HBP1: variants seen among roughly 807,000 people sequenced by gnomAD.
The protein encoded by HBP1 is HMG-box transcription factor 1, also known as HMG box-containing protein 1.
A neutral mutation model predicts 62.6 loss-of-function variants in HBP1; 20 were observed. The ratio of observed to expected loss-of-function variants is 0.32; its 90% CI spans 0.22 to 0.46. HBP1 has a LOEUF of 0.46. HBP1 is among the 20% of genes least tolerant of loss of function. HBP1 has a pLI of 1.00. For synonymous variants in HBP1, 232 were observed against 206.2 expected (o/e 1.12, Z -1.07); for missense variants, 480 against 611.8 (o/e 0.78, Z 2.27).
chr7:107,191,483 CTTTTATATATATTCTA>C (rs1797646789), intron 8 of HBP1, among the ~76,000 whole-genome samples: 1 of 152,122 alleles, frequency 6.6e-6, no homozygotes. Flanking sequence ...TTTCATTCCT[CTTTTATATATATTCTA>C]GAGAAGTAAA....
At chr7:107,183,289 C>T (rs78267892) in intron 3 of HBP1, among the ~76,000 whole-genome samples, 25,046 of 152,104 alleles carry the variant, frequency 0.16, 2,393 homozygotes, top group Non-Finnish European at 0.21. Flanking sequence ...GAGTGGAAAA[C>T]GATAGACCAG....
At chr7:107,191,922 T>C (rs1797673464) in intron 8 of HBP1, among the ~76,000 whole-genome samples, 1 of 152,164 alleles carries the variant, frequency 6.6e-6, no homozygotes, top group Non-Finnish European at 1.5e-5. Flanking sequence ...GGCTGTGACT[T>C]ATTATGGCAA....
chr7:107,201,418 C>G lies in HBP1; in HGVS notation c.1532C>G (p.Ser511Ter). Residue 511 changes from serine (S) to a stop codon, truncating the protein, a stop_gained, in exon 11 of 11, where the codon TCA becomes TGA. Transcript: ENST00000222574. LOFTEE classifies it high-confidence loss of function. Reference sequence around the variant, plus strand: ...AGTTTAATTTTATTTCCACAGGGCTCACAACAACATTAAACCAGGATGCTT... The same window carrying G: ...AGTTTAATTTTATTTCCACAGGGCTGACAACAACATTAAACCAGGATGCTT... ...CWKRKRTNSGSQQH is the reference protein window; with the variant it reads ...CWKRKRTNSG The G allele has an allele frequency of 6.3e-7, 1 of 1,576,000 alleles. No individual in the cohort carries two copies. The highest frequency in any genetic ancestry group is 8.7e-7 in the Non-Finnish European group (1 of 1,146,462).
intron 1 of HBP1, among the ~76,000 whole-genome samples, chr7:107,170,974 C>CATGTATATATATAAAATATATAA (rs1796532986): frequency 1.6e-5 from 2 of 125,896 alleles, no homozygotes; most frequent in African/African-American, 2.9e-5. Context: ...AAATATATAA[C>CATGTATATATATAAAATATATAA]ATACATGTAT....
At chr7:107,195,486 G>T (rs950556333) in intron 8 of HBP1, among the ~76,000 whole-genome samples, 8 of 152,208 alleles carry the variant, frequency 5.3e-5, no homozygotes, top group African/African-American at 1.7e-4. Flanking sequence ...GTCCAGAAAT[G>T]AATTTAAAGT....
intron 9 of HBP1, among the ~76,000 whole-genome samples, chr7:107,198,755 A>G (rs903547429): frequency 6.6e-6 from 1 of 152,224 alleles, no homozygotes; most frequent in Admixed American, 6.5e-5. Context: ...GCTCATTTTA[A>G]GTTGCTATAA....
In HBP1 at chr7:107,171,013, A is replaced by G. The variant is rs1277005992; in HGVS notation, c.-16+1828A>G. On this transcript the variant is annotated intron_variant, in intron 1 of 10. Transcript: ENST00000222574. Reference sequence around the variant, plus strand: ...TATAAAATATATAACATATACATGTATATATATAAAATATATAACATATAC... The same window carrying G: ...TATAAAATATATAACATATACATGTGTATATATAAAATATATAACATATAC... 1.3e-4 allele frequency among the ~76,000 whole-genome samples: 18 copies of G among 143,746 alleles called. No homozygotes were observed. In the Admixed American group the frequency reaches 1.3e-3, roughly 10 times the overall value. The allele number at this position is 143,746 out of a possible 152,430, so 94.3% of individuals were successfully genotyped here. A position where few individuals can be genotyped will look rare whatever the true frequency, so the allele number is the denominator to read the frequency against.
intron 1 of HBP1, among the ~76,000 whole-genome samples, chr7:107,172,843 T>A (rs1219944099): frequency 6.6e-6 from 1 of 152,162 alleles, no homozygotes; most frequent in African/African-American, 2.4e-5. Flanking sequence ...CTTCCTGTCT[T>A]GGTCTCCCAA....
chr7:107,189,944 C>T (rs1797569079), intron 7 of HBP1: 1 of 383,886 alleles, frequency 2.6e-6, no homozygotes, highest in Non-Finnish European at 4.6e-6. Context: ...TAGAGGAGCT[C>T]TATATATAAT....
In HBP1 at chr7:107,200,295, C is replaced by A; in HGVS notation, c.1521C>A (p.Thr507=). 1 of 1,611,822 alleles carries A rather than the reference C, an allele frequency of 6.2e-7. No individual in the cohort carries two copies. The highest frequency in any genetic ancestry group is 1.7e-5 in the Admixed American group (1 of 59,698). ...CTGACTGTTGGAAGAGGAAAAGAACCAATTCAGTATGTTTCAATAAATAGT... is the reference window on the plus strand; with the variant it reads ...CTGACTGTTGGAAGAGGAAAAGAACAAATTCAGTATGTTTCAATAAATAGT... The part of the protein sequence containing the change: ...LNPDCWKRKR[T]NSGSQQH The change falls in exon 10 of 11, where the codon ACC becomes ACA. Residue 507 remains threonine, a synonymous_variant. Transcript: ENST00000222574.
rs550051569 is a variant in HBP1 at position 107,187,903 on chromosome 7, C to T, written c.765+1222C>T. Among the ~76,000 whole-genome samples, 3 of 152,180 alleles carry T rather than the reference C, an allele frequency of 2.0e-5. No individual in the cohort carries two copies. The East Asian group carries it at 5.8e-4, about 29-fold the overall frequency. ...GCTGAATATTAGACAAGATTTTGCCCCCTTCACTTTCTTCACCAGTTCCTC... is the reference window on the plus strand; with the variant it reads ...GCTGAATATTAGACAAGATTTTGCCTCCTTCACTTTCTTCACCAGTTCCTC... On this transcript the variant is annotated intron_variant, in intron 6 of 10. Coordinates refer to ENST00000222574, the MANE Select transcript of HBP1 (RefSeq NM_012257.4).
At chr7:107,185,540 G>C (rs1269311899) in intron 3 of HBP1, among the ~76,000 whole-genome samples, 1 of 152,038 alleles carries the variant, frequency 6.6e-6, no homozygotes, top group Non-Finnish European at 1.5e-5. Flanking sequence ...AAATGAATGG[G>C]ATAAATAAAT....
chr7:107,189,582 T>C (rs1308624699), intron 7 of HBP1, 134 bp downstream of exon 7: 9 of 634,556 alleles, frequency 1.4e-5, no homozygotes, highest in Non-Finnish European at 2.4e-5. Flanking sequence ...AAAACTACCA[T>C]AGGGAATGCT....
chr7:107,186,425 G>T lies in HBP1; in HGVS notation c.605G>T (p.Gly202Val). Residue 202 changes from glycine (G) to valine (V), a missense_variant, in exon 5 of 11, where the codon GGA (glycine) becomes GTA (valine). Physicochemically the swap from Gly to Val is moderately radical, Grantham distance 109. Coordinates refer to ENST00000222574, the MANE Select transcript of HBP1 (RefSeq NM_012257.4). ...MSSLSDDDDL[G>V]WCNSWPSTVW... ...TCCCTGTCAGATGATGATGATTTGG[G>T]ATGGTGCAATTCCTGGCCTTCAACT... 1.2e-6 allele frequency: 2 copies of T among 1,613,538 alleles called. No homozygotes were observed. The highest frequency in any genetic ancestry group is 1.7e-6 in the Non-Finnish European group (2 of 1,179,510).
chr7:107,175,282 T>C (rs186466751), intron 1 of HBP1, among the ~76,000 whole-genome samples: 242 of 152,268 alleles, frequency 1.6e-3, no homozygotes, highest in African/African-American at 5.5e-3. Flanking sequence ...CATTGAAGGT[T>C]TGCTTTGTGT....
intron 1 of HBP1, among the ~76,000 whole-genome samples, chr7:107,175,453 G>C (rs893271228): frequency 4.6e-5 from 7 of 152,094 alleles, no homozygotes; most frequent in Non-Finnish European, 8.8e-5. Flanking sequence ...TTAAACTCAG[G>C]CAGCCTGATT....
At chr7:107,197,449 A>G (rs895545271) in intron 9 of HBP1, among the ~76,000 whole-genome samples, 1 of 152,060 alleles carries the variant, frequency 6.6e-6, no homozygotes, top group Non-Finnish European at 1.5e-5. Flanking sequence ...GCTCACTGCA[A>G]CTTCTGCCTT....
intron 3 of HBP1, among the ~76,000 whole-genome samples, chr7:107,185,433 C>T (rs1345616337): frequency 1.3e-5 from 2 of 152,106 alleles, no homozygotes; most frequent in African/African-American, 4.8e-5. Context: ...TTACTGAGTA[C>T]ATCAAAGTAG....
At chr7:107,194,359 A>C (rs933085433) in intron 8 of HBP1, among the ~76,000 whole-genome samples, 8 of 152,184 alleles carry the variant, frequency 5.3e-5, no homozygotes, top group Non-Finnish European at 8.8e-5. Context: ...GTCAGTGCTG[A>C]AGTTTGCTAT....
Sources: allele counts gnomAD v4.1 joint callset (sites outside exome capture counted in the v4.1 genomes callset), GRCh38; gene constraint gnomAD v4.1.1; transcripts MANE v1.5; gene names NCBI Gene and HGNC (gene_info 2026-07-23, HGNC 2026-07-21).